The following FBXL2 variants were observed in gnomAD, a reference collection of about 807,000 sequenced individuals.
FBXL2 encodes the protein F-box/LRR-repeat protein 2.
Under a neutral mutation model 69.2 loss-of-function variants are expected in FBXL2, and 38 were observed. The observed-to-expected ratio is 0.55, with a 90% confidence interval of 0.42 to 0.72. The LOEUF is 0.72. Among genes scored for constraint, FBXL2 ranks in the 30% least tolerant of loss-of-function variants. The probability of loss-of-function intolerance (pLI) is 0.00; values close to 1 mark genes in which losing one functional copy is unlikely to be tolerated. For missense variants in FBXL2, 354 were observed against 520.3 expected (o/e 0.68, Z 3.11); for synonymous variants, 192 against 201.3 (o/e 0.95, Z 0.39).
chr3:33,418,070 T>C, the FBXL2 span, among the ~76,000 whole-genome samples: 1 of 152,186 alleles, frequency 6.6e-6, no homozygotes, highest in Admixed American at 6.5e-5. Context: ...AGAAGATATA[T>C]GCACTATATT....
chr3:33,407,939 A>T (rs1248555478), downstream of FBXL2, among the ~76,000 whole-genome samples: 4 of 152,264 alleles, frequency 2.6e-5, no homozygotes, highest in Non-Finnish European at 5.9e-5. Flanking sequence ...ATAGATGAAG[A>T]GTCATGTCAT....
chr3:33,331,047 G>T (rs879557843), intron 2 of FBXL2, among the ~76,000 whole-genome samples: 1 of 151,174 alleles, frequency 6.6e-6, no homozygotes, highest in Admixed American at 6.6e-5. Context: ...TCAATAAAAG[G>T]TTTTTAAATA....
chr3:33,399,893 A>T (rs2044156670), intron 12 of FBXL2, among the ~76,000 whole-genome samples: 1 of 152,250 alleles, frequency 6.6e-6, no homozygotes, highest in South Asian at 2.1e-4. Flanking sequence ...TTATTTCAAA[A>T]TAAAGTTAAA....
Position 33,297,790 on chromosome 3 carries a change from T to C in FBXL2, c.65+65T>C, listed in dbSNP as rs1326774492. The C allele has an allele frequency of 6.3e-6, 6 of 952,214 alleles. No homozygotes were observed. In the East Asian group the frequency reaches 1.4e-4, roughly 23 times the overall value. The allele number at this position is 952,214 out of a possible 1,614,324, so 59.0% of individuals were successfully genotyped here. On this transcript the variant is annotated intron_variant, in intron 2 of 14. Transcript: ENST00000484457. ...ATTTAGTCATCAAGTTCCAAGACTA[T>C]CTTCTTTCTCACTGTGAGTCCATAG...
downstream of FBXL2, among the ~76,000 whole-genome samples, chr3:33,406,178 C>G (rs2044415523): frequency 1.3e-5 from 2 of 152,180 alleles, no homozygotes; most frequent in Admixed American, 1.3e-4. Flanking sequence ...ACTCAGAAGT[C>G]TGAGGCAGGA....
intron 1 of FBXL2, among the ~76,000 whole-genome samples, chr3:33,288,710 G>A (rs1173116443): frequency 1.3e-5 from 2 of 152,162 alleles, no homozygotes; most frequent in Non-Finnish European, 2.9e-5. Flanking sequence ...TAGTGTGGTA[G>A]GAAGTAAGAT....
chr3:33,389,975 G>A (rs1162667461), downstream of FBXL2: 1 of 218,496 alleles, frequency 4.6e-6, no homozygotes, highest in Non-Finnish European at 9.1e-6. Flanking sequence ...AATGCCCACA[G>A]TAAGTTTCTA....
intron 2 of FBXL2, among the ~76,000 whole-genome samples, chr3:33,300,161 A>G (rs1017375877): frequency 2.6e-5 from 4 of 151,980 alleles, no homozygotes; most frequent in Non-Finnish European, 4.4e-5. Flanking sequence ...TCTCATGCAT[A>G]CTTCTGCTGT....
chr3:33,406,933 G>A (rs2044443290), downstream of FBXL2, among the ~76,000 whole-genome samples: 1 of 152,142 alleles, frequency 6.6e-6, no homozygotes, highest in Admixed American at 6.5e-5. Flanking sequence ...ATTCAGTGTG[G>A]CACCATTTCA....
intron 13 of FBXL2, among the ~76,000 whole-genome samples, chr3:33,380,592 A>G (rs1279298204): frequency 6.6e-6 from 1 of 151,292 alleles, no homozygotes; most frequent in African/African-American, 2.4e-5. Context: ...GAATATGAGA[A>G]AAATCCCCAG....
downstream of FBXL2, chr3:33,388,658 C>A (rs2043615837): frequency 6.6e-6 from 1 of 152,096 alleles, no homozygotes; most frequent in African/African-American, 2.4e-5. Context: ...CACTTCTTTC[C>A]CCAGTGACTG....
Position 33,385,703 on chromosome 3 carries a change from T to C in FBXL2, c.*95T>C. On this transcript the variant is annotated 3_prime_UTR_variant, in exon 15 of 15. Coordinates refer to ENST00000484457, the MANE Select transcript of FBXL2 (RefSeq NM_012157.5). ...ACTCCACCATCACCCAATCTGTTGA[T>C]TCTCCATTGGGAAAGGCATTTACAG... 1.0e-6 allele frequency: 1 copy of C among 988,172 alleles called. No homozygotes were observed. Among genetic ancestry groups the C allele is most frequent in the Non-Finnish European group, 1.6e-6 (1 of 626,744 alleles). 61.2% of individuals were successfully genotyped at this position (988,172 alleles called of 1,614,324 possible).
the FBXL2 span, chr3:33,411,610 G>A: frequency 6.2e-7 from 1 of 1,613,926 alleles, no homozygotes; most frequent in Non-Finnish European, 8.5e-7. Context: ...CGTTTTGCTG[G>A]GTCCCACAGA....
At chr3:33,285,360 A>G (rs1283252076) in intron 1 of FBXL2, among the ~76,000 whole-genome samples, 2 of 152,232 alleles carry the variant, frequency 1.3e-5, no homozygotes, top group Admixed American at 6.5e-5. Flanking sequence ...AAAATGTTGA[A>G]TATTGGCCCC....
At chr3:33,361,995 C>T (rs2041658117) in intron 4 of FBXL2, among the ~76,000 whole-genome samples, 1 of 152,086 alleles carries the variant, frequency 6.6e-6, no homozygotes, top group Non-Finnish European at 1.5e-5. Flanking sequence ...TTGTTGTGTG[C>T]CTGACACTGT....
chr3:33,316,463 T>G (rs1002514041), intron 2 of FBXL2, among the ~76,000 whole-genome samples: 2 of 152,214 alleles, frequency 1.3e-5, no homozygotes, highest in Admixed American at 6.5e-5. Context: ...TTTGAGTTCC[T>G]ATGGCTCAGA....
intron 2 of FBXL2, among the ~76,000 whole-genome samples, chr3:33,340,895 CAAAAAAAAA>C (rs67092664): frequency 2.3e-5 from 2 of 86,590 alleles, no homozygotes; most frequent in African/African-American, 9.2e-5. Flanking sequence ...TTCCTTTGCC[CAAAAAAAAA>C]AAAAAAAAAA....
At chr3:33,373,530 T>C in intron 7 of FBXL2, 48 bp from the exon 8 acceptor site, 1 of 1,613,270 alleles carries the variant, frequency 6.2e-7, no homozygotes, top group Non-Finnish European at 8.5e-7. Flanking sequence ...GGTCATTAAC[T>C]CTCTACAGGA....
chr3:33,385,186 T>G (rs1212201571), intron 14 of FBXL2, among the ~76,000 whole-genome samples: 1 of 152,178 alleles, frequency 6.6e-6, no homozygotes, highest in East Asian at 1.9e-4. Flanking sequence ...ATGCTTTAAG[T>G]TTAGGCAACT....
Sources: allele counts gnomAD v4.1 joint callset (sites outside exome capture counted in the v4.1 genomes callset), GRCh38; gene constraint gnomAD v4.1.1; transcripts MANE v1.5; gene names NCBI Gene and HGNC (gene_info 2026-07-23, HGNC 2026-07-21).